ME2: variants seen among roughly 807,000 people sequenced by gnomAD.
The protein encoded by ME2 is malic enzyme 2.
In ME2, 60 loss-of-function variants were observed where a neutral mutation model predicts 73.7. The observed-to-expected ratio is 0.81, with a 90% CI of 0.66 to 1.01. The LOEUF (loss-of-function observed/expected upper bound fraction) is 1.01. Ranked by LOEUF, ME2 falls within the 50% of genes least tolerant of loss-of-function variation. The probability of loss-of-function intolerance (pLI) is 0.00; values close to 1 mark genes in which losing one functional copy is unlikely to be tolerated. For missense variants in ME2, 594 were observed against 705.5 expected (o/e 0.84, Z 1.79); for synonymous variants, 199 against 236.9 (o/e 0.84, Z 1.47).
Position 50,921,207 on chromosome 18 carries a change from G to C in ME2, c.1056+20G>C. On this transcript the variant is annotated intron_variant, in intron 10 of 15. Coordinates refer to ENST00000321341, the MANE Select transcript of ME2 (RefSeq NM_002396.5). ...GTTAAGGTAAGGTATTTAAAATTTG[G>C]AGAAGCAAAAGAGTGTATTATATTT... 8.0e-7 allele frequency: 1 copy of C among 1,255,054 alleles called. No individual in the cohort carries two copies. Among genetic ancestry groups the C allele is most frequent in the Non-Finnish European group, 1.1e-6 (1 of 887,634 alleles). 77.7% of individuals were successfully genotyped at this position (1,255,054 alleles called of 1,614,324 possible). A position where few individuals can be genotyped will look rare whatever the true frequency, so the allele number is the denominator to read the frequency against.
chr18:50,935,826 A>C (rs902123225), intron 13 of ME2: 1 of 151,868 alleles, frequency 6.6e-6, no homozygotes, highest in Non-Finnish European at 1.5e-5. Context: ...CAACTGGAAA[A>C]TATCTCAGAA....
intron 15 of ME2, 90 bp downstream of exon 15, chr18:50,940,476 T>G: frequency 2.2e-6 from 2 of 898,076 alleles, no homozygotes; most frequent in South Asian, 3.3e-5. Context: ...TCTGAAACAT[T>G]TAGAAGGCTG....
chr18:50,881,688 T>C (rs1006045398), intron 1 of ME2, among the ~76,000 whole-genome samples: 7 of 152,210 alleles, frequency 4.6e-5, no homozygotes, highest in African/African-American at 1.4e-4. Flanking sequence ...TGATTATCCT[T>C]ATAGCCTCTT....
At chr18:50,923,608 C>T (rs1021811789) in intron 10 of ME2, among the ~76,000 whole-genome samples, 1 of 151,924 alleles carries the variant, frequency 6.6e-6, no homozygotes, top group African/African-American at 2.4e-5. Flanking sequence ...AAAAATCATC[C>T]GGGCATGGTG....
chr18:50,915,661 TG>T (rs1186633209), intron 4 of ME2: 2 of 152,300 alleles, frequency 1.3e-5, no homozygotes, highest in Non-Finnish European at 2.9e-5. Flanking sequence ...ATCCAATTTT[TG>T]CCAATTAAAA....
At chr18:50,892,474 T>G (rs1916627942) in intron 1 of ME2, among the ~76,000 whole-genome samples, 1 of 152,250 alleles carries the variant, frequency 6.6e-6, no homozygotes, top group South Asian at 2.1e-4. Context: ...ATGTTTACTG[T>G]TGACTATTCC....
chr18:50,924,217 G>A lies in ME2; in HGVS notation c.1171+5G>A, dbSNP rs111723901. ...TGAAGCCTTCAACTATAATTGGTAG[G>A]TAAAGTTTTTCTGATAAATAATTTT... On this transcript the variant is annotated splice_donor_5th_base_variant and intron_variant, in intron 11 of 15. Transcript: ENST00000321341. The A allele has an allele frequency of 6.4e-7, 1 of 1,573,770 alleles. No individual in the cohort carries two copies. The highest frequency in any genetic ancestry group is 8.7e-7 in the Non-Finnish European group (1 of 1,150,906).
intron 11 of ME2, 122 bp from the exon 12 acceptor site, chr18:50,925,634 A>G (rs1323697901): frequency 1.3e-6 from 1 of 752,076 alleles, no homozygotes; most frequent in East Asian, 2.6e-5. Flanking sequence ...AGATAGTGCT[A>G]TCTTTGTAAT....
chr18:50,921,193 G>A lies in ME2; in HGVS notation c.1056+6G>A. 1 of 1,424,976 alleles carries A rather than the reference G, an allele frequency of 7.0e-7. No individual in the cohort carries two copies. The highest frequency in any genetic ancestry group is 9.6e-7 in the Non-Finnish European group (1 of 1,039,136). 88.3% of individuals were successfully genotyped at this position (1,424,976 alleles called of 1,614,324 possible). A position where few individuals can be genotyped will look rare whatever the true frequency, so the allele number is the denominator to read the frequency against. The stretch of plus-strand genomic sequence containing the variant: ...AGTATGGTTTATTAGTTAAGGTAAG[G>A]TATTTAAAATTTGGAGAAGCAAAAG... On this transcript the variant is annotated splice_donor_region_variant and intron_variant, in intron 10 of 15. Coordinates refer to ENST00000321341, the MANE Select transcript of ME2 (RefSeq NM_002396.5).
intron 1 of ME2, among the ~76,000 whole-genome samples, chr18:50,886,197 A>G (rs1182620552): frequency 6.6e-6 from 1 of 151,404 alleles, no homozygotes; most frequent in African/African-American, 2.4e-5. Flanking sequence ...GGAAGCCTAT[A>G]CAGGTATGTG....
chr18:50,889,709 G>A (rs1400913519), intron 1 of ME2, among the ~76,000 whole-genome samples: 5 of 152,216 alleles, frequency 3.3e-5, no homozygotes, highest in East Asian at 1.9e-4. Flanking sequence ...TTCCTAAGAC[G>A]TATCAGATTT....
intron 10 of ME2, among the ~76,000 whole-genome samples, chr18:50,923,880 A>G (rs1917483467): frequency 6.6e-6 from 1 of 152,172 alleles, no homozygotes; most frequent in Non-Finnish European, 1.5e-5. Flanking sequence ...GGAACTAGAA[A>G]GTTTCTAGGA....
chr18:50,889,745 C>T (rs906111150), intron 1 of ME2, among the ~76,000 whole-genome samples: 3 of 152,126 alleles, frequency 2.0e-5, no homozygotes, highest in Admixed American at 6.5e-5. Flanking sequence ...AGTTTTGGAA[C>T]ACATATTAAC....
In ME2 at chr18:50,951,987, T is replaced by C. The variant is rs1034881946; in HGVS notation, c.*4803T>C. The stretch of plus-strand genomic sequence containing the variant: ...ACTCGAGAACATTAATATAAACCCA[T>C]AGCTCTTTACTGGGCTTCCATTTAA... On this transcript the variant is annotated 3_prime_UTR_variant, in exon 16 of 16. Coordinates refer to ENST00000321341, the MANE Select transcript of ME2 (RefSeq NM_002396.5). 17 of 148,400 alleles carry C rather than the reference T, an allele frequency of 1.1e-4. No individual in the cohort carries two copies. The highest frequency in any genetic ancestry group is 4.2e-4 in the African/African-American group (17 of 40,164). 9.2% of individuals were successfully genotyped at this position (148,400 alleles called of 1,614,324 possible). A position where few individuals can be genotyped will look rare whatever the true frequency, so the allele number is the denominator to read the frequency against.
chr18:50,913,520 A>G (rs1324831940), intron 4 of ME2, among the ~76,000 whole-genome samples: 1 of 151,958 alleles, frequency 6.6e-6, no homozygotes, highest in African/African-American at 2.4e-5. Context: ...TTTAGTAGAG[A>G]TGGGATTTCA....
intron 1 of ME2, 125 bp from the exon 2 acceptor site, chr18:50,895,682 CTT>C (rs1916722119): frequency 2.5e-5 from 16 of 632,026 alleles, no homozygotes; most frequent in Non-Finnish European, 4.1e-5. Flanking sequence ...ACCTTCGCCT[CTT>C]GTTACCTTTT....
At chr18:50,885,346 G>A (rs891543192) in intron 1 of ME2, among the ~76,000 whole-genome samples, 3 of 152,046 alleles carry the variant, frequency 2.0e-5, no homozygotes, top group African/African-American at 7.2e-5. Flanking sequence ...CATAGCAAAC[G>A]CCAGCTGTAC....
At chr18:50,916,530 A>C in intron 5 of ME2, 1 of 238,654 alleles carries the variant, frequency 4.2e-6, no homozygotes, top group Admixed American at 5.6e-5. Context: ...TTTCTATTTC[A>C]CTAATATTAT....
At chr18:50,935,078 A>G (rs1302310868) in intron 13 of ME2, 2 of 152,202 alleles carry the variant, frequency 1.3e-5, no homozygotes, top group Non-Finnish European at 2.9e-5. Flanking sequence ...TATAGTTTGC[A>G]GCAGCAATGG....
Sources: gnomAD v4.1 joint callset for allele counts (sites outside exome capture counted in the v4.1 genomes callset) on GRCh38, gnomAD v4.1.1 for gene constraint, MANE v1.5 for transcripts, NCBI Gene and HGNC (gene_info 2026-07-23, HGNC 2026-07-21) for gene names.